TRPS1: variants seen among roughly 807,000 people sequenced by gnomAD.
TRPS1 encodes zinc finger transcription factor Trps1.
Under a neutral mutation model 101.2 loss-of-function variants are expected in TRPS1, and 6 were observed. That is an observed-to-expected ratio of 0.06 (90% CI 0.03 to 0.12). The LOEUF (loss-of-function observed/expected upper bound fraction) is 0.12, where lower values mean the gene tolerates loss of function less well. TRPS1 is among the 10% of genes least tolerant of loss of function. The pLI is 1.00. For missense variants in TRPS1, 1,363 were observed against 1,567.0 expected (o/e 0.87, Z 2.20); for synonymous variants, 578 against 589.8 (o/e 0.98, Z 0.29).
Position 115,498,415 on chromosome 8 carries a change from CTATATATATATATATA to C in TRPS1, c.2701-79979_2701-79964del, listed in dbSNP as rs67505193. Among the ~76,000 whole-genome samples, 104 of 39,312 alleles carry C rather than the reference CTATATATATATATATA, an allele frequency of 2.6e-3. 1 individual carries two copies. Among genetic ancestry groups the C allele is most frequent in the African/African-American group, 0.01 (92 of 9,152 alleles). The allele number at this position is 39,312 out of a possible 152,430, so 25.8% of individuals were successfully genotyped here. On this transcript the variant is annotated intron_variant, in intron 5 of 6. Transcript: ENST00000395715. ...TCTCTCTCTCTCTCTCTCTCTCTCT[CTATATATATATATATA>C]TATATATATATATATATATAGTTGA...
At chr8:115,645,077 T>C (rs1352197560) in intron 1 of TRPS1, among the ~76,000 whole-genome samples, 1 of 152,044 alleles carries the variant, frequency 6.6e-6, no homozygotes, top group East Asian at 1.9e-4. Flanking sequence ...CAAAGAGACA[T>C]AAGGTAAACA....
In TRPS1 at chr8:115,604,140, A is replaced by G; in HGVS notation, c.1829T>C (p.Leu610Pro). The G allele has an allele frequency of 1.2e-6, 2 of 1,614,130 alleles. No individual in the cohort carries two copies. The highest frequency in any genetic ancestry group is 1.7e-6 in the Non-Finnish European group (2 of 1,180,014). The change falls in exon 4 of 7, where the codon CTC becomes CCC. Residue 610 changes from leucine to proline, a missense_variant. Physicochemically the swap from Leu to Pro is moderately conservative, Grantham distance 98. Coordinates refer to ENST00000395715, the MANE Select transcript of TRPS1 (RefSeq NM_014112.5). This position sits in a 1 kb window ranked among gnomAD's most constrained non-coding sequence, Gnocchi z 4.1. ...CRKSNCSHCA[L>P]LLLHLSPGAA... is the part of the protein sequence containing the mutation. ...CCCAGGAGACAAGTGCAGAAGCAAG[A>G]GTGCACAGTGGGAACAATTACTTTT...
chr8:115,604,729 T>C lies in TRPS1; in HGVS notation c.1240A>G (p.Ile414Val), dbSNP rs1817995186. Residue 414 changes from isoleucine (I) to valine (V), a missense_variant, in exon 4 of 7, where the codon ATA (isoleucine) becomes GTA (valine). Around this residue, in one of 5 missense-constraint regions of TRPS1, gnomAD observed 1,020 missense variants for 1,073.0 expected, o/e 0.95. Transcript: ENST00000395715. The surrounding 1 kb of genome is among the most constrained non-coding windows in gnomAD (Gnocchi z 4.1). The part of the protein sequence containing the change: ...SGDLGKWQDK[I>V]TVKAGDDTPV... ...GTGTCATCTCCTGCTTTGACTGTTATCTTGTCCTGCCATTTTCCCAAGTCT... is the reference window on the plus strand; with the variant it reads ...GTGTCATCTCCTGCTTTGACTGTTACCTTGTCCTGCCATTTTCCCAAGTCT... 1.2e-6 allele frequency: 2 copies of C among 1,613,910 alleles called. No individual in the cohort carries two copies. The highest frequency in any genetic ancestry group is 2.2e-5 in the East Asian group (1 of 44,848).
Position 115,587,314 on chromosome 8 carries a change from T to G in TRPS1, c.2387A>C (p.Glu796Ala), listed in dbSNP as rs1272764183. 6.2e-7 allele frequency: 1 copy of G among 1,614,216 alleles called. No individual in the cohort carries two copies. Among genetic ancestry groups the G allele is most frequent in the South Asian group, 1.1e-5 (1 of 91,092 alleles). Residue 796 changes from glutamate (E) to alanine (A), a missense_variant, in exon 5 of 7, where the codon GAG becomes GCG. Physicochemically the swap from Glu to Ala is moderately radical, Grantham distance 107. Transcript: ENST00000395715. ...KDGLKEKVWT[E>A]SSSDDLRNVT... ...ATTGCGAAGGTCATCACTGGAACTC[T>G]CGGTCCAAACTTTCTCTTTGAGCCC...
At chr8:115,654,679 T>A (rs2130616571) in intron 1 of TRPS1, among the ~76,000 whole-genome samples, 1 of 152,320 alleles carries the variant, frequency 6.6e-6, no homozygotes, top group East Asian at 1.9e-4. Flanking sequence ...AGTGACCATT[T>A]TCATAAGCAG....
intron 1 of TRPS1, among the ~76,000 whole-genome samples, chr8:115,662,476 C>T (rs906198514): frequency 2.0e-5 from 3 of 151,808 alleles, no homozygotes; most frequent in Admixed American, 6.6e-5. Context: ...CCGAATGGGG[C>T]GGAGGGCCTT....
At chr8:115,660,451 A>G (rs1811766867) in intron 1 of TRPS1, among the ~76,000 whole-genome samples, 1 of 151,920 alleles carries the variant, frequency 6.6e-6, no homozygotes. Flanking sequence ...TCAATTTAAC[A>G]ACTAGTAATA....
intron 5 of TRPS1, among the ~76,000 whole-genome samples, chr8:115,468,641 A>G (rs1814385872): frequency 6.6e-6 from 1 of 152,220 alleles, no homozygotes; most frequent in African/African-American, 2.4e-5. Context: ...GCAGACACAC[A>G]CACAAAAAAC....
At chr8:115,456,732 T>TC (rs569595394) in intron 5 of TRPS1, among the ~76,000 whole-genome samples, 3 of 151,866 alleles carry the variant, frequency 2.0e-5, no homozygotes, top group South Asian at 2.1e-4. Context: ...TCTATTTTAC[T>TC]CCCCCCCAAA....
Position 115,411,058 on chromosome 8 carries a change from T to G in TRPS1, c.*2965A>C, listed in dbSNP as rs1321424670. The stretch of plus-strand genomic sequence containing the variant: ...AGGAGTGTTTAGTGTTATAATAAAT[T>G]TTTGTCTCTTTCAAAAAAGCCCAAC... On this transcript the variant is annotated 3_prime_UTR_variant, in exon 7 of 7. Transcript: ENST00000395715. The G allele has an allele frequency of 1.3e-5, 2 of 151,850 alleles. No homozygotes were observed. Among genetic ancestry groups the G allele is most frequent in the Non-Finnish European group, 2.9e-5 (2 of 67,918 alleles). The allele number at this position is 151,850 out of a possible 1,614,324, so 9.4% of individuals were successfully genotyped here.
intron 5 of TRPS1, among the ~76,000 whole-genome samples, chr8:115,564,373 T>G (rs1452435183): frequency 6.6e-6 from 1 of 152,042 alleles, no homozygotes; most frequent in East Asian, 1.9e-4. Context: ...CTGTTTTTGT[T>G]TTTCAAGTAA....
intron 5 of TRPS1, among the ~76,000 whole-genome samples, chr8:115,541,785 C>T (rs1356008503): frequency 6.6e-6 from 1 of 152,164 alleles, no homozygotes; most frequent in Non-Finnish European, 1.5e-5. Flanking sequence ...ATATACTTGA[C>T]ACATTTCAGC....
chr8:115,633,032 A>G (rs1170948740), intron 1 of TRPS1, among the ~76,000 whole-genome samples: 1 of 152,120 alleles, frequency 6.6e-6, no homozygotes, highest in African/African-American at 2.4e-5. Context: ...TGCAGAGAGC[A>G]TGGAGTAATA....
chr8:115,451,740 G>A (rs905037291), intron 5 of TRPS1, among the ~76,000 whole-genome samples: 3 of 152,160 alleles, frequency 2.0e-5, no homozygotes, highest in Non-Finnish European at 2.9e-5. Context: ...GGTATCGTTC[G>A]TTTGTTTTCA....
chr8:115,419,816 G>A (rs1332854300), intron 5 of TRPS1, among the ~76,000 whole-genome samples: 6 of 152,176 alleles, frequency 3.9e-5, no homozygotes, highest in Admixed American at 2.0e-4. Context: ...AGATGCAAGT[G>A]CTATCAGAGG....
chr8:115,461,604 T>C (rs192464702), intron 5 of TRPS1, among the ~76,000 whole-genome samples: 154 of 152,312 alleles, frequency 1.0e-3, no homozygotes, highest in African/African-American at 3.6e-3. Context: ...GAACTAACTA[T>C]GTTTGTGGCA....
Position 115,413,667 on chromosome 8 carries a change from C to T in TRPS1, c.*356G>A, listed in dbSNP as rs765858879. The stretch of plus-strand genomic sequence containing the variant: ...TGCTTTAGTATAATAATATGTAAAC[C>T]CTTTCAAATTCTAGACAGTTTTGGT... On this transcript the variant is annotated 3_prime_UTR_variant, in exon 7 of 7. Coordinates refer to ENST00000395715, the MANE Select transcript of TRPS1 (RefSeq NM_014112.5). The T allele has an allele frequency of 8.6e-6, 2 of 233,302 alleles. No individual in the cohort carries two copies. The highest frequency in any genetic ancestry group is 2.3e-5 in the African/African-American group (1 of 42,622). 14.5% of individuals were successfully genotyped at this position (233,302 alleles called of 1,614,324 possible). A position where few individuals can be genotyped will look rare whatever the true frequency, so the allele number is the denominator to read the frequency against.
At chr8:115,453,724 A>G (rs1467123430) in intron 5 of TRPS1, among the ~76,000 whole-genome samples, 7 of 152,222 alleles carry the variant, frequency 4.6e-5, no homozygotes, top group Admixed American at 3.9e-4. Flanking sequence ...CTGCAGCACC[A>G]GTTATAAGAC....
intron 5 of TRPS1, among the ~76,000 whole-genome samples, chr8:115,440,624 T>A (rs1309515458): frequency 6.6e-6 from 1 of 152,238 alleles, no homozygotes; most frequent in Non-Finnish European, 1.5e-5. Flanking sequence ...TGGTGTTTCC[T>A]TGCCAAGGTT....
Sources: allele counts gnomAD v4.1 joint callset (sites outside exome capture counted in the v4.1 genomes callset), GRCh38; gene constraint gnomAD v4.1.1; regional missense constraint gnomAD v4.1.1; non-coding constraint Gnocchi (gnomAD v3.1); transcripts MANE v1.5; gene names NCBI Gene and HGNC (gene_info 2026-07-23, HGNC 2026-07-21).